Variants in IMMT observed in about 807,000 individuals in gnomAD.
IMMT encodes inner membrane mitochondrial protein.
Under a neutral mutation model 92.7 loss-of-function variants are expected in IMMT, and 40 were observed. The observed-to-expected ratio is 0.43, with a 90% CI of 0.34 to 0.56. The LOEUF is 0.56. IMMT is among the 20% of genes least tolerant of loss of function. IMMT has a pLI of 0.03. For missense variants in IMMT, 831 were observed against 912.1 expected (o/e 0.91, Z 1.14); for synonymous variants, 322 against 336.1 (o/e 0.96, Z 0.46).
rs1676313033 is a variant in IMMT, at chr2:86,162,006, T to C, written c.866A>G (p.Asp289Gly). ...TTTGAGAAGGGCATCGGCAGCTTCA[T>C]CTACTGCCTTTCTGCGTTCCTTCAA... is the stretch of plus-strand genomic sequence containing the variant. ...GALKERRKAV[D>G]EAADALLKAK... Residue 289 changes from aspartate to glycine, a missense_variant, in exon 8 of 15, where the codon GAT becomes GGT. By Grantham distance (94) the Asp-to-Gly change is moderately conservative. Coordinates refer to ENST00000410111, the MANE Select transcript of IMMT (RefSeq NM_006839.3). 6.2e-7 allele frequency: 1 copy of C among 1,603,162 alleles called. No individual in the cohort carries two copies. The highest frequency in any genetic ancestry group is 8.5e-7 in the Non-Finnish European group (1 of 1,174,834).
intron 6 of IMMT, among the ~76,000 whole-genome samples, chr2:86,167,408 C>A (rs1458795119): frequency 1.3e-5 from 2 of 151,504 alleles, no homozygotes; most frequent in Admixed American, 6.6e-5. Context: ...CTACTGACCC[C>A]ATGATCCGCC....
Position 86,143,967 on chromosome 2 carries a change from C to T in IMMT, c.*301G>A, listed in dbSNP as rs756734991. 3 of 437,308 alleles carry T rather than the reference C, an allele frequency of 6.9e-6. No individual in the cohort carries two copies. Among genetic ancestry groups the T allele is most frequent in the South Asian group, 2.4e-5 (1 of 41,140 alleles). The allele number at this position is 437,308 out of a possible 1,614,324, so 27.1% of individuals were successfully genotyped here. On this transcript the variant is annotated 3_prime_UTR_variant, in exon 15 of 15. Coordinates refer to ENST00000410111, the MANE Select transcript of IMMT (RefSeq NM_006839.3). ...TCTTGTTGCTTTATTCAGTTTGCTC[C>T]GAGGGCAAAATCAACAGTAGTAGAG...
Position 86,147,842 on chromosome 2 carries a change from C to T in IMMT, c.1402-9G>A. 1 of 1,612,698 alleles carries T rather than the reference C, an allele frequency of 6.2e-7. No individual in the cohort carries two copies. The highest frequency in any genetic ancestry group is 1.7e-5 in the Admixed American group (1 of 59,882). ...TCTCTGACTTCTTCTATCTGTGAAACCAAACATAGTAGTTATTAGTTTTCA... is the reference window on the plus strand; with the variant it reads ...TCTCTGACTTCTTCTATCTGTGAAATCAAACATAGTAGTTATTAGTTTTCA... On this transcript the variant is annotated splice_polypyrimidine_tract_variant and intron_variant, in intron 12 of 14. Coordinates refer to ENST00000410111, the MANE Select transcript of IMMT (RefSeq NM_006839.3).
intron 1 of IMMT, among the ~76,000 whole-genome samples, chr2:86,189,794 T>C (rs953524470): frequency 1.3e-5 from 2 of 152,222 alleles, no homozygotes; most frequent in African/African-American, 4.8e-5. Flanking sequence ...TTTTCTACTG[T>C]TAATTTAAAA....
At chr2:86,178,001 A>G (rs1677549222) in intron 3 of IMMT, among the ~76,000 whole-genome samples, 1 of 152,180 alleles carries the variant, frequency 6.6e-6, no homozygotes, top group Non-Finnish European at 1.5e-5. Context: ...CATCTGTACC[A>G]GCTACTATTA....
At chr2:86,145,167 C>T (rs546843104) in intron 14 of IMMT, among the ~76,000 whole-genome samples, 9 of 152,066 alleles carry the variant, frequency 5.9e-5, no homozygotes, top group East Asian at 3.8e-4. Context: ...TAAGACTTAA[C>T]GCTAAGGCCA....
At position 86,159,619 on chromosome 2, in the gene IMMT, CCT is replaced by C; in HGVS notation, c.947_948del (p.Glu316GlyfsTer14). 1 of 1,581,054 alleles carries C rather than the reference CCT, an allele frequency of 6.3e-7. No individual in the cohort carries two copies. The highest frequency in any genetic ancestry group is 8.5e-7 in the Non-Finnish European group (1 of 1,170,352). On this transcript the variant is annotated frameshift_variant, in exon 9 of 15. Coordinates refer to ENST00000410111, the MANE Select transcript of IMMT (RefSeq NM_006839.3). LOFTEE classifies it high-confidence loss of function. ...GTTATATGAGGCTTGGCCCCAGCAACCTCTTTTTTCTTTGCATTTTCAATCAC... is the reference window on the plus strand; with the variant it reads ...GTTATATGAGGCTTGGCCCCAGCAACCTTTTTTCTTTGCATTTTCAATCAC... ...KSVIENAKKK[E>X]VAGAKPHITA...
Position 86,170,739 on chromosome 2 carries a change from G to A in IMMT, c.655+10C>T. Reference sequence around the variant, plus strand: ...CCCAAAATCCTTAAGAAGCTGTCTGGTTTACATACACTCAATTTTAACTTG... The same window carrying A: ...CCCAAAATCCTTAAGAAGCTGTCTGATTTACATACACTCAATTTTAACTTG... On this transcript the variant is annotated intron_variant, in intron 6 of 14. Transcript: ENST00000410111. 4 of 1,554,916 alleles carry A rather than the reference G, an allele frequency of 2.6e-6. No individual in the cohort carries two copies. Among genetic ancestry groups the A allele is most frequent in the South Asian group, 1.2e-5 (1 of 84,938 alleles).
intron 7 of IMMT, 91 bp downstream of exon 7, chr2:86,166,417 T>C (rs1676681400): frequency 1.7e-6 from 2 of 1,196,402 alleles, no homozygotes; most frequent in Non-Finnish European, 2.4e-6. Context: ...AAGCAGTCTG[T>C]TAAATATTAC....
At chr2:86,186,897 T>G (rs1371119694) in intron 1 of IMMT, among the ~76,000 whole-genome samples, 1 of 152,222 alleles carries the variant, frequency 6.6e-6, no homozygotes, top group Admixed American at 6.5e-5. Flanking sequence ...TTGTAATTAC[T>G]GTCTTTTTGC....
At chr2:86,165,675 TATAAA>T (rs1394266951) in intron 7 of IMMT, among the ~76,000 whole-genome samples, 2 of 152,210 alleles carry the variant, frequency 1.3e-5, no homozygotes, top group Non-Finnish European at 2.9e-5. Context: ...TTAATGTAAT[TATAAA>T]ATAATGTATT....
chr2:86,149,070 G>T (rs1450151426), intron 12 of IMMT, among the ~76,000 whole-genome samples: 1 of 152,202 alleles, frequency 6.6e-6, no homozygotes, highest in Admixed American at 6.5e-5. Context: ...AGGACCTGTT[G>T]TGAAGCATCA....
intron 12 of IMMT, 141 bp downstream of exon 12, chr2:86,151,156 G>C: frequency 1.4e-6 from 1 of 692,354 alleles, no homozygotes; most frequent in East Asian, 2.7e-5. Flanking sequence ...GACCACAAGG[G>C]ATCCACCCAC....
intron 1 of IMMT, among the ~76,000 whole-genome samples, chr2:86,186,314 A>T (rs1312783843): frequency 6.6e-6 from 1 of 152,154 alleles, no homozygotes; most frequent in Admixed American, 6.6e-5. Flanking sequence ...TGGGTCCAGA[A>T]GGCTGAGGAT....
chr2:86,195,410 G>A lies in IMMT; in HGVS notation c.-28C>T, dbSNP rs200318497. On this transcript the variant is annotated 5_prime_UTR_variant, in exon 1 of 15. Coordinates refer to ENST00000410111, the MANE Select transcript of IMMT (RefSeq NM_006839.3). ...CGGTCAAGCGGACGGCGCTGCTGGT[G>A]GACTCGAGCTGCCGCGGCGGCGCGA... 4.5e-6 allele frequency: 7 copies of A among 1,545,106 alleles called. No individual in the cohort carries two copies. Among genetic ancestry groups the A allele is most frequent in the African/African-American group, 1.4e-5 (1 of 72,596 alleles).
intron 14 of IMMT, 83 bp from the exon 15 acceptor site, chr2:86,144,964 GCTAC>G: frequency 7.0e-7 from 1 of 1,438,384 alleles, no homozygotes; most frequent in South Asian, 1.4e-5. Context: ...CATTCAACAA[GCTAC>G]ATCTACACAT....
At chr2:86,186,886 T>C (rs1672811834) in intron 1 of IMMT, among the ~76,000 whole-genome samples, 1 of 152,200 alleles carries the variant, frequency 6.6e-6, no homozygotes, top group African/African-American at 2.4e-5. Flanking sequence ...ATTTCAACCA[T>C]TTGTAATTAC....
chr2:86,146,251 G>C (rs1003313114), intron 13 of IMMT, 54 bp from the exon 14 acceptor site: 1 of 1,495,586 alleles, frequency 6.7e-7, no homozygotes, highest in African/African-American at 1.4e-5. Flanking sequence ...TGCATGTCAT[G>C]TAACTGTGTA....
rs1252476874 is a variant in IMMT at position 86,158,468 on chromosome 2, G to GT, written c.1162+123dup. On this transcript the variant is annotated intron_variant, in intron 10 of 14. Coordinates refer to ENST00000410111, the MANE Select transcript of IMMT (RefSeq NM_006839.3). Reference sequence around the variant, plus strand: ...ATGACTGTGGTTAAAATAAAACGCTGTAACAAAAAGAGATATGCATGCATG... The same window carrying GT: ...ATGACTGTGGTTAAAATAAAACGCTGTTAACAAAAAGAGATATGCATGCATG... The GT allele has an allele frequency of 1.3e-5, 9 of 712,304 alleles. No homozygotes were observed. In the East Asian group the frequency reaches 2.3e-4, roughly 18 times the overall value. The allele number at this position is 712,304 out of a possible 1,614,324, so 44.1% of individuals were successfully genotyped here. A position where few individuals can be genotyped will look rare whatever the true frequency, so the allele number is the denominator to read the frequency against.
Sources: gnomAD v4.1 joint callset for allele counts (sites outside exome capture counted in the v4.1 genomes callset) on GRCh38, gnomAD v4.1.1 for gene constraint, MANE v1.5 for transcripts, NCBI Gene and HGNC (gene_info 2026-07-23, HGNC 2026-07-21) for gene names.